Variants in FHIP1A observed in about 807,000 individuals in gnomAD.
FHIP1A encodes the protein FHF complex subunit HOOK-interacting protein 1A.
In FHIP1A, 61 loss-of-function variants were observed where a neutral mutation model predicts 88.6. That is an observed-to-expected ratio of 0.69 (90% CI 0.56 to 0.85). FHIP1A has a LOEUF of 0.85. FHIP1A is among the 40% of genes least tolerant of loss of function. The probability of loss-of-function intolerance (pLI) is 0.00; values close to 1 mark genes in which losing one functional copy is unlikely to be tolerated. For synonymous variants in FHIP1A, 478 were observed against 496.0 expected (o/e 0.96, Z 0.48); for missense variants, 1,154 against 1,273.5 (o/e 0.91, Z 1.43).
intron 7 of FHIP1A, among the ~76,000 whole-genome samples, chr4:151,627,697 C>T (rs1736003560): frequency 6.6e-6 from 1 of 152,108 alleles, no homozygotes. Flanking sequence ...AGTCATTTCC[C>T]CCTTAGCTAT....
rs1480824839 is a variant in FHIP1A, at chr4:151,528,837, C to T, written c.-122-37301C>T. 9.9e-5 allele frequency among the ~76,000 whole-genome samples: 15 copies of T among 152,276 alleles called. No homozygotes were observed. In the East Asian group the frequency reaches 2.9e-3, roughly 29 times the overall value. ...GAAGTGTTAGAATAATATTTTCCCCCCCTTCAGCTGAGGCTACAAATTGTG... is the reference window on the plus strand; with the variant it reads ...GAAGTGTTAGAATAATATTTTCCCCTCCTTCAGCTGAGGCTACAAATTGTG... On this transcript the variant is annotated intron_variant, in intron 3 of 13. Coordinates refer to ENST00000435205, the MANE Select transcript of FHIP1A (RefSeq NM_001109977.3).
intron 3 of FHIP1A, among the ~76,000 whole-genome samples, chr4:151,495,625 C>T (rs1221004723): frequency 1.5e-5 from 2 of 135,096 alleles, no homozygotes; most frequent in Non-Finnish European, 1.6e-5. Flanking sequence ...GCTATATATT[C>T]TTTTTTTTTT....
intron 3 of FHIP1A, among the ~76,000 whole-genome samples, chr4:151,508,442 T>C (rs961913224): frequency 1.3e-5 from 2 of 152,180 alleles, no homozygotes; most frequent in African/African-American, 4.8e-5. Flanking sequence ...AGCTGGGATC[T>C]GGCCCATCTA....
chr4:151,623,734 A>G (rs1203178040), intron 7 of FHIP1A, among the ~76,000 whole-genome samples: 4 of 152,160 alleles, frequency 2.6e-5, no homozygotes, highest in Admixed American at 2.0e-4. Context: ...TAAAGGTTAT[A>G]AAGGTAATAA....
intron 8 of FHIP1A, among the ~76,000 whole-genome samples, chr4:151,635,881 GTTCT>G (rs1736334833): frequency 6.6e-6 from 1 of 151,902 alleles, no homozygotes; most frequent in African/African-American, 2.4e-5. Context: ...TTATTTATGT[GTTCT>G]TTATCAATTT....
rs376061076 is a variant in FHIP1A at position 151,566,294 on chromosome 4, A to T, written c.35A>T (p.Gln12Leu). 3.2e-6 allele frequency: 5 copies of T among 1,550,698 alleles called. No individual in the cohort carries two copies. Residue 12 changes from glutamine (Q) to leucine (L), a missense_variant, in exon 4 of 14, where the codon CAG (glutamine) becomes CTG (leucine). Transcript: ENST00000435205. ...MSSVSTESKLQQAVSLQGVDP... is the reference protein window; with the variant it reads ...MSSVSTESKLLQAVSLQGVDP... ...TCGGTTTCGACAGAAAGCAAACTCC[A>T]GCAGGCTGTGAGCCTACAGGGAGTT...
chr4:151,484,168 C>G (rs1729997460), intron 3 of FHIP1A, among the ~76,000 whole-genome samples: 1 of 152,118 alleles, frequency 6.6e-6, no homozygotes. Flanking sequence ...AGGTCCTTAG[C>G]AGAATGAACA....
At chr4:151,609,252 G>A (rs76145743) in intron 7 of FHIP1A, among the ~76,000 whole-genome samples, 4,295 of 152,256 alleles carry the variant, frequency 0.028, 91 homozygotes, top group Non-Finnish European at 0.042. Flanking sequence ...TGGGCAGGAG[G>A]GAAAAGAGTG....
chr4:151,637,259 T>C (rs1029770200), intron 8 of FHIP1A, among the ~76,000 whole-genome samples: 4 of 152,144 alleles, frequency 2.6e-5, no homozygotes, highest in Non-Finnish European at 5.9e-5. Context: ...GACAGTGTTT[T>C]CTTAGATATG....
In FHIP1A at chr4:151,664,102, A is replaced by G. The variant is rs1180371667; in HGVS notation, c.*1348A>G. Among the ~76,000 whole-genome samples the G allele has an allele frequency of 3.3e-5, 5 of 152,176 alleles. No individual in the cohort carries two copies. The highest frequency in any genetic ancestry group is 1.2e-4 in the African/African-American group (5 of 41,430). ...TTCCACTCCCCTCTATTTTGGGCCC[A>G]GTTCTGCAGGTGCGAAGCAAGTAAC... is the stretch of plus-strand genomic sequence containing the variant. On this transcript the variant is annotated 3_prime_UTR_variant, in exon 14 of 14. Coordinates refer to ENST00000435205, the MANE Select transcript of FHIP1A (RefSeq NM_001109977.3).
At chr4:151,617,867 CAGAG>C (rs887222409) in intron 7 of FHIP1A, among the ~76,000 whole-genome samples, 1 of 152,116 alleles carries the variant, frequency 6.6e-6, no homozygotes, top group Non-Finnish European at 1.5e-5. Flanking sequence ...GCCTGGGTGA[CAGAG>C]AGAGACTCTG....
intron 4 of FHIP1A, among the ~76,000 whole-genome samples, chr4:151,570,240 C>T (rs1560774733): frequency 6.6e-6 from 1 of 152,252 alleles, no homozygotes; most frequent in East Asian, 1.9e-4. Flanking sequence ...GTCCATCATG[C>T]TGTTTCATCC....
chr4:151,588,846 C>A lies in FHIP1A; in HGVS notation c.898C>A (p.His300Asn). ...EFCNAVIQVA[H>N]PLIRNQLVNY... ...CTATGTGCCTCTCTCTCAGGTGGCT[C>A]ACCCCTTGATTCGAAATCAGCTTGT... Residue 300 changes from histidine (H) to asparagine (N), a missense_variant, in exon 7 of 14, where the codon CAC becomes AAC. Coordinates refer to ENST00000435205, the MANE Select transcript of FHIP1A (RefSeq NM_001109977.3). 2 of 1,549,672 alleles carry A rather than the reference C, an allele frequency of 1.3e-6. No homozygotes were observed. Among genetic ancestry groups the A allele is most frequent in the Non-Finnish European group, 1.7e-6 (2 of 1,145,238 alleles).
intron 2 of FHIP1A, among the ~76,000 whole-genome samples, chr4:151,476,899 G>C (rs1364760149): frequency 6.6e-6 from 1 of 151,996 alleles, no homozygotes; most frequent in Non-Finnish European, 1.5e-5. Flanking sequence ...GCATAAAAAG[G>C]ATGAAATACC....
intron 3 of FHIP1A, among the ~76,000 whole-genome samples, chr4:151,564,066 G>C (rs1733284842): frequency 6.6e-6 from 1 of 152,166 alleles, no homozygotes; most frequent in Non-Finnish European, 1.5e-5. Context: ...TATTTATCCT[G>C]TCTATACTGC....
chr4:151,643,139 A>G (rs1172799729), intron 9 of FHIP1A, among the ~76,000 whole-genome samples: 1 of 152,126 alleles, frequency 6.6e-6, no homozygotes, highest in Non-Finnish European at 1.5e-5. Flanking sequence ...TCTACTATTG[A>G]CAGCCAATTC....
intron 8 of FHIP1A, among the ~76,000 whole-genome samples, chr4:151,637,111 A>G (rs1736383589): frequency 6.6e-6 from 1 of 152,156 alleles, no homozygotes; most frequent in South Asian, 2.1e-4. Flanking sequence ...TTGGATATCC[A>G]TGTGCAAAAT....
chr4:151,426,937 AT>A (rs1733398482), intron 1 of FHIP1A, among the ~76,000 whole-genome samples: 1 of 152,214 alleles, frequency 6.6e-6, no homozygotes, highest in Admixed American at 6.5e-5. Context: ...TACATTTAAA[AT>A]ATAATCACAG....
chr4:151,473,933 T>G (rs1172857109), intron 2 of FHIP1A, among the ~76,000 whole-genome samples: 2 of 152,232 alleles, frequency 1.3e-5, no homozygotes, highest in Non-Finnish European at 2.9e-5. Flanking sequence ...TCTGTCAGTT[T>G]TGTTACCTAC....
Sources: allele counts gnomAD v4.1 joint callset (sites outside exome capture counted in the v4.1 genomes callset), GRCh38; gene constraint gnomAD v4.1.1; transcripts MANE v1.5; gene names NCBI Gene and HGNC (gene_info 2026-07-23, HGNC 2026-07-21).